Variants in FOXJ3 observed in about 807,000 individuals in gnomAD.
FOXJ3 encodes forkhead box protein J3.
FOXJ3 carries 22 observed loss-of-function variants against 76.1 expected under a neutral mutation model. The observed-to-expected ratio is 0.29, with a 90% confidence interval of 0.21 to 0.41. The LOEUF (loss-of-function observed/expected upper bound fraction) is 0.41, where lower values mean the gene tolerates loss of function less well. Among genes scored for constraint, FOXJ3 ranks in the 10% least tolerant of loss-of-function variants. The pLI is 1.00. For missense variants in FOXJ3, 613 were observed against 762.1 expected, an observed-to-expected ratio of 0.80 and a Z score of 2.30; for synonymous variants, 269 against 261.2, an observed-to-expected ratio of 1.03 and a Z score of -0.29.
intron 5 of FOXJ3, among the ~76,000 whole-genome samples, chr1:42,225,220 G>T (rs1173928713): frequency 6.6e-6 from 1 of 152,072 alleles, no homozygotes; most frequent in South Asian, 2.1e-4. Flanking sequence ...ACAAATTTCA[G>T]AAATTTAATA....
chr1:42,224,535 C>T (rs574200040), intron 5 of FOXJ3, among the ~76,000 whole-genome samples: 1 of 151,986 alleles, frequency 6.6e-6, no homozygotes, highest in South Asian at 2.1e-4. Context: ...CGCCTGTAAT[C>T]CTAGCTACTC....
chr1:42,314,198 T>C (rs1654972838), intron 1 of FOXJ3, among the ~76,000 whole-genome samples: 1 of 152,204 alleles, frequency 6.6e-6, no homozygotes, highest in Non-Finnish European at 1.5e-5. Flanking sequence ...AGAGGTAAAC[T>C]GGTTAGTACA....
At chr1:42,198,968 CTACT>C (rs925080358) in intron 7 of FOXJ3, 130 bp downstream of exon 7, 20 of 651,918 alleles carry the variant, frequency 3.1e-5, no homozygotes, top group African/African-American at 5.5e-5. Context: ...TAATTTTGAT[CTACT>C]TACTAAGTTA....
chr1:42,229,353 C>G (rs12080568), intron 4 of FOXJ3, among the ~76,000 whole-genome samples: 3,347 of 152,242 alleles, frequency 0.022, 123 homozygotes, highest in African/African-American at 0.077. Context: ...TCTATATCCA[C>G]AGTGCCAGTC....
intron 4 of FOXJ3, among the ~76,000 whole-genome samples, chr1:42,232,987 G>A (rs1187370570): frequency 2.1e-4 from 31 of 146,516 alleles, no homozygotes; most frequent in Middle Eastern, 3.4e-3. Flanking sequence ...TGTAAGGAAG[G>A]GATCCAGTTT....
intron 6 of FOXJ3, among the ~76,000 whole-genome samples, chr1:42,201,688 A>C (rs982694285): frequency 1.3e-5 from 2 of 152,184 alleles, no homozygotes. Flanking sequence ...CCTTTCTTGT[A>C]AAGTTTTTGT....
chr1:42,280,287 T>C (rs1652598657), intron 2 of FOXJ3: 1 of 983,328 alleles, frequency 1.0e-6, no homozygotes, highest in Non-Finnish European at 1.2e-6. Context: ...GGATTCTACC[T>C]GCACTGCCAG....
rs765964411 is a variant in FOXJ3 at position 42,181,893 on chromosome 1, ACT to A, written c.1753+22_1753+23del. ...CACACACACACACACACACACACAC[ACT>A]CACTCTCTCTCTCTCTCTTACCTGC... On this transcript the variant is annotated intron_variant, in intron 12 of 12. Transcript: ENST00000361346. 1.0e-3 allele frequency: 1,381 copies of A among 1,334,890 alleles called. 5 individuals carry two copies. In the African/African-American group the frequency reaches 0.013, roughly 13 times the overall value. 82.7% of individuals were successfully genotyped at this position (1,334,890 alleles called of 1,614,324 possible).
intron 4 of FOXJ3, among the ~76,000 whole-genome samples, chr1:42,229,536 T>C (rs979228023): frequency 2.6e-5 from 4 of 152,190 alleles, no homozygotes; most frequent in Non-Finnish European, 5.9e-5. Flanking sequence ...TTCTGGTCTA[T>C]GTAGGTACCT....
In FOXJ3 at chr1:42,327,358, T is replaced by C. The variant is rs144187462; in HGVS notation, c.-18+7701A>G. On this transcript the variant is annotated intron_variant, in intron 1 of 12. Transcript: ENST00000361346. ...GCCGTAACAGTCTGCTCCATCCTCA[T>C]TCAGAAAGGCCAACCTGACCCTGAT... Among the ~76,000 whole-genome samples the C allele has an allele frequency of 2.0e-5, 3 of 152,276 alleles. No individual in the cohort carries two copies. In the East Asian group the frequency reaches 5.8e-4, roughly 29 times the overall value.
chr1:42,302,710 A>G (rs1377128731), intron 2 of FOXJ3, among the ~76,000 whole-genome samples: 4 of 152,246 alleles, frequency 2.6e-5, no homozygotes, highest in Non-Finnish European at 4.4e-5. Flanking sequence ...CTTGCCTATG[A>G]TAAGCTTATT....
intron 1 of FOXJ3, among the ~76,000 whole-genome samples, chr1:42,334,770 C>T (rs1656372221): frequency 6.6e-6 from 1 of 151,016 alleles, no homozygotes; most frequent in Non-Finnish European, 1.5e-5. Context: ...TCCCCGGTGC[C>T]CCGCCTGGGG....
chr1:42,234,337 G>T (rs1648407732), intron 4 of FOXJ3, among the ~76,000 whole-genome samples: 1 of 151,950 alleles, frequency 6.6e-6, no homozygotes, highest in South Asian at 2.1e-4. Flanking sequence ...TCTTTGCCAT[G>T]GGTTCGAGCT....
chr1:42,202,361 A>G (rs1345307232), intron 6 of FOXJ3, among the ~76,000 whole-genome samples: 1 of 152,014 alleles, frequency 6.6e-6, no homozygotes, highest in Non-Finnish European at 1.5e-5. Flanking sequence ...TATCATTTCT[A>G]TCATTTCTGG....
intron 2 of FOXJ3, among the ~76,000 whole-genome samples, chr1:42,296,440 T>C (rs1285322549): frequency 1.3e-5 from 2 of 152,244 alleles, no homozygotes; most frequent in East Asian, 3.8e-4. Context: ...GGTCTTATGT[T>C]CAAGTCTTTA....
chr1:42,283,660 A>T (rs543489400), intron 2 of FOXJ3, among the ~76,000 whole-genome samples: 1 of 152,276 alleles, frequency 6.6e-6, no homozygotes, highest in East Asian at 1.9e-4. Flanking sequence ...TGCGGCACAT[A>T]ACAAAACTGA....
chr1:42,238,373 A>G (rs774050401), intron 4 of FOXJ3, among the ~76,000 whole-genome samples: 36 of 152,176 alleles, frequency 2.4e-4, no homozygotes, highest in Non-Finnish European at 2.9e-5. Context: ...CTGTATAAAA[A>G]TCAGAAATCA....
chr1:42,312,093 G>T (rs1353468925), intron 1 of FOXJ3, among the ~76,000 whole-genome samples: 3 of 152,190 alleles, frequency 2.0e-5, no homozygotes, highest in Non-Finnish European at 4.4e-5. Context: ...AGTCTGAAGG[G>T]ATCAGGGCTA....
At position 42,261,680 on chromosome 1, in the gene FOXJ3, T is replaced by C. The variant is rs182913732; in HGVS notation, c.444+3435A>G. ...TCGTGAAAATACAGAGAAGATGCTA[T>C]ACGAGCTACTTCTACCTCTTGACCT... is the stretch of plus-strand genomic sequence containing the variant. On this transcript the variant is annotated intron_variant, in intron 4 of 12. Coordinates refer to ENST00000361346, the MANE Select transcript of FOXJ3 (RefSeq NM_014947.5). 9.9e-4 allele frequency among the ~76,000 whole-genome samples: 151 copies of C among 152,314 alleles called. 1 individual carries two copies. Among genetic ancestry groups the C allele is most frequent in the Non-Finnish European group, 6.9e-4 (47 of 68,032 alleles).
Sources: gnomAD v4.1 joint callset for allele counts (sites outside exome capture counted in the v4.1 genomes callset) on GRCh38, gnomAD v4.1.1 for gene constraint, MANE v1.5 for transcripts, NCBI Gene and HGNC (gene_info 2026-07-23, HGNC 2026-07-21) for gene names.